BLTP1: variants seen among roughly 807,000 people sequenced by gnomAD.
The protein encoded by BLTP1 is fragile site-associated protein.
chr4:122,200,455 C>T, the BLTP1 span: 9 of 577,434 alleles, frequency 1.6e-5, no homozygotes, highest in Non-Finnish European at 2.0e-5. Context: ...GCGCGCATGC[C>T]TGTAATCCCA....
chr4:122,315,802 G>A, the BLTP1 span: 1 of 899,576 alleles, frequency 1.1e-6, no homozygotes, highest in Admixed American at 2.2e-5. Flanking sequence ...AGGAAGAGAA[G>A]GGAATGGTGG....
the BLTP1 span, among the ~76,000 whole-genome samples, chr4:122,360,281 A>G: frequency 2.6e-5 from 4 of 152,296 alleles, no homozygotes; most frequent in African/African-American, 7.2e-5. Context: ...GTCTACTACA[A>G]TTATCCCAAT....
the BLTP1 span, chr4:122,178,250 G>T: frequency 4.3e-5 from 25 of 581,824 alleles, no homozygotes; most frequent in Middle Eastern, 8.9e-4. Context: ...AATTTACCAG[G>T]AAACTCTTTT....
the BLTP1 span, chr4:122,300,773 T>C: frequency 2.7e-6 from 1 of 374,750 alleles, no homozygotes; most frequent in Non-Finnish European, 3.7e-6. Context: ...ACTCAACATA[T>C]GTACAAAAAG....
the BLTP1 span, chr4:122,255,334 G>A: frequency 1.6e-6 from 2 of 1,269,398 alleles, no homozygotes; most frequent in African/African-American, 1.5e-5. Flanking sequence ...TTCTGTTGGT[G>A]GACCACTGAT....
chr4:122,268,504 G>A, the BLTP1 span, among the ~76,000 whole-genome samples: 10 of 151,724 alleles, frequency 6.6e-5, no homozygotes, highest in South Asian at 8.3e-4. Flanking sequence ...CCTTTCTGTC[G>A]TGGCCACTTT....
the BLTP1 span, chr4:122,299,250 C>A: frequency 2.1e-6 from 1 of 474,474 alleles, no homozygotes; most frequent in Non-Finnish European, 2.8e-6. Flanking sequence ...ACTTGGCACT[C>A]AGTAAGCACT....
chr4:122,193,898 T>C, the BLTP1 span, among the ~76,000 whole-genome samples: 2 of 152,170 alleles, frequency 1.3e-5, no homozygotes, highest in Non-Finnish European at 2.9e-5. Context: ...AGTCTCGCTC[T>C]GTCGCCCAGG....
chr4:122,175,889 G>A, the BLTP1 span: 9 of 1,555,980 alleles, frequency 5.8e-6, no homozygotes, highest in African/African-American at 2.7e-5. Flanking sequence ...GGTGGAAAAT[G>A]TATAACCCAA....
the BLTP1 span, chr4:122,326,012 C>A: frequency 3.0e-6 from 1 of 328,162 alleles, no homozygotes; most frequent in Non-Finnish European, 6.2e-6. Context: ...TCAAACTTAA[C>A]TTAGACCTCA....
At chr4:122,281,135 A>T in the BLTP1 span, 1 of 189,724 alleles carries the variant, frequency 5.3e-6, no homozygotes, top group Non-Finnish European at 9.8e-6. Context: ...CTGCCACTCA[A>T]ATTGTTATTA....
chr4:122,299,886 G>A, the BLTP1 span: 10 of 984,976 alleles, frequency 1.0e-5, no homozygotes, highest in Non-Finnish European at 1.2e-5. Flanking sequence ...TCTGTATGCT[G>A]TATATTTTAG....
the BLTP1 span, among the ~76,000 whole-genome samples, chr4:122,193,190 A>C: frequency 6.6e-6 from 1 of 152,212 alleles, no homozygotes; most frequent in Non-Finnish European, 1.5e-5. Flanking sequence ...ATATAGTCAC[A>C]TTCTGAGGTA....
At chr4:122,308,269 C>G in the BLTP1 span, 1 of 1,214,496 alleles carries the variant, frequency 8.2e-7, no homozygotes. Context: ...CAGTTTATAA[C>G]TGTTTAGTAG....
At chr4:122,260,199 T>G in the BLTP1 span, among the ~76,000 whole-genome samples, 1 of 152,180 alleles carries the variant, frequency 6.6e-6, no homozygotes, top group Admixed American at 6.5e-5. Flanking sequence ...GCAATTGGAA[T>G]GCAATGGTGT....
the BLTP1 span, among the ~76,000 whole-genome samples, chr4:122,262,470 C>G: frequency 6.6e-6 from 1 of 151,724 alleles, no homozygotes; most frequent in East Asian, 1.9e-4. Context: ...ATTCCCTCAT[C>G]AGATTAAGAA....
chr4:122,246,420 T>C, the BLTP1 span: 3 of 1,099,274 alleles, frequency 2.7e-6, no homozygotes, highest in Non-Finnish European at 2.5e-6. Context: ...AAAATATGTT[T>C]TATTTCTATG....
chr4:122,205,769 C>G, the BLTP1 span: 2 of 130,396 alleles, frequency 1.5e-5, no homozygotes, highest in Admixed American at 9.9e-5. Context: ...TTCTCTCTCT[C>G]TCTTTCTCTG....
the BLTP1 span, chr4:122,183,335 CAA>C: frequency 7.5e-3 from 5,400 of 723,434 alleles, no homozygotes; most frequent in Middle Eastern, 8.3e-3. Context: ...GACCCTGTCT[CAA>C]AAAAAAAAAA....
Sources: allele counts gnomAD v4.1 joint callset (sites outside exome capture counted in the v4.1 genomes callset), GRCh38; gene constraint gnomAD v4.1.1; transcripts MANE v1.5; gene names NCBI Gene and HGNC (gene_info 2026-07-23, HGNC 2026-07-21).